Variants in OSBPL3 observed in about 807,000 individuals in gnomAD.
The protein encoded by OSBPL3 is oxysterol binding protein like 3.
In OSBPL3, 65 loss-of-function variants were observed where a neutral mutation model predicts 120.1. That is an observed-to-expected ratio of 0.54 (90% confidence interval 0.44 to 0.67). The LOEUF is 0.67. Among genes scored for constraint, OSBPL3 ranks in the 30% least tolerant of loss-of-function variants. OSBPL3 has a pLI of 0.00. For missense variants in OSBPL3, 1,004 were observed against 1,082.1 expected (o/e 0.93, Z 1.01); for synonymous variants, 416 against 402.6 (o/e 1.03, Z -0.40).
At position 24,830,718 on chromosome 7, in the gene OSBPL3, G is replaced by C. The variant is rs1468671605; in HGVS notation, c.1884+50C>G. 1.3e-6 allele frequency: 2 copies of C among 1,539,504 alleles called. No homozygotes were observed. Among genetic ancestry groups the C allele is most frequent in the Non-Finnish European group, 1.8e-6 (2 of 1,138,854 alleles). On this transcript the variant is annotated intron_variant, in intron 16 of 22. Transcript: ENST00000313367. The surrounding 1 kb of genome is among the most constrained non-coding windows in gnomAD (Gnocchi z 4.4). ...TAAATATTTCAGAAGCACATTTAAT[G>C]GGAGACATAAGCAACCCCTCCCAAC...
intron 1 of OSBPL3, among the ~76,000 whole-genome samples, chr7:24,979,589 C>A (rs1817995495): frequency 6.6e-6 from 1 of 152,220 alleles, no homozygotes; most frequent in Non-Finnish European, 1.5e-5. Flanking sequence ...CCTCCCGCAC[C>A]TGCGCCGCGG....
Position 24,820,784 on chromosome 7 carries a change from C to A in OSBPL3, c.1885-546G>T, listed in dbSNP as rs1795026977. On this transcript the variant is annotated intron_variant, in intron 16 of 22. Transcript: ENST00000313367. This position sits in a 1 kb window ranked among gnomAD's most constrained non-coding sequence, Gnocchi z 4.6. ...CAAATCACCTACAAGAAGACCAATGCAAGGTAATTTTTTTAAAAAAGAGTG... is the reference window on the plus strand; with the variant it reads ...CAAATCACCTACAAGAAGACCAATGAAAGGTAATTTTTTTAAAAAAGAGTG... 6.9e-6 allele frequency among the ~76,000 whole-genome samples: 1 copy of A among 145,540 alleles called. No homozygotes were observed. The highest frequency in any genetic ancestry group is 1.5e-5 in the Non-Finnish European group (1 of 66,986).
intron 14 of OSBPL3, among the ~76,000 whole-genome samples, chr7:24,837,814 A>T (rs918611825): frequency 6.6e-6 from 1 of 152,238 alleles, no homozygotes; most frequent in Non-Finnish European, 1.5e-5. Flanking sequence ...TGAGTGGCAG[A>T]GCTGGGGCTA....
chr7:24,951,302 A>G (rs1814403748), intron 1 of OSBPL3, among the ~76,000 whole-genome samples: 1 of 152,236 alleles, frequency 6.6e-6, no homozygotes, highest in African/African-American at 2.4e-5. Context: ...GCCTTTAAGT[A>G]AAAGCAACTC....
intron 1 of OSBPL3, among the ~76,000 whole-genome samples, chr7:24,945,802 CAAAG>C (rs955935344): frequency 2.0e-5 from 3 of 152,152 alleles, no homozygotes; most frequent in Non-Finnish European, 4.4e-5. Flanking sequence ...AGGCTCTGTT[CAAAG>C]AAAGAATACA....
At chr7:24,866,673 G>T (rs1424201906) in intron 5 of OSBPL3, among the ~76,000 whole-genome samples, 1 of 152,038 alleles carries the variant, frequency 6.6e-6, no homozygotes, top group Non-Finnish European at 1.5e-5. Flanking sequence ...GAAAAGAAAA[G>T]GAATGGAGAA....
At chr7:24,807,499 T>A (rs1045886958) in intron 20 of OSBPL3, among the ~76,000 whole-genome samples, 8 of 145,866 alleles carry the variant, frequency 5.5e-5, no homozygotes, top group African/African-American at 1.5e-4. Context: ...ATCTCAAAAA[T>A]AATAATAATA....
Position 24,979,958 on chromosome 7 carries a change from G to A in OSBPL3, c.-222C>T, listed in dbSNP as rs1818102194. 2 of 982,620 alleles carry A rather than the reference G, an allele frequency of 2.0e-6. No individual in the cohort carries two copies. Among genetic ancestry groups the A allele is most frequent in the South Asian group, 4.7e-5 (1 of 21,156 alleles). The allele number at this position is 982,620 out of a possible 1,614,324, so 60.9% of individuals were successfully genotyped here. A position where few individuals can be genotyped will look rare whatever the true frequency, so the allele number is the denominator to read the frequency against. On this transcript the variant is annotated 5_prime_UTR_variant, in exon 1 of 23. Coordinates refer to ENST00000313367, the MANE Select transcript of OSBPL3 (RefSeq NM_015550.4). ...CTCCGGGGTTAGCGCACAGAACCGG[G>A]AGAAGGCAACCCCGGCTTCTCCGGT...
intron 2 of OSBPL3, among the ~76,000 whole-genome samples, chr7:24,880,433 C>A (rs1164354131): frequency 2.0e-5 from 3 of 152,104 alleles, no homozygotes; most frequent in African/African-American, 4.8e-5. Flanking sequence ...ACTCTCTCCC[C>A]CAGCGGAACA....
In OSBPL3 at chr7:24,810,004, A is replaced by G. The variant is rs1793574554; in HGVS notation, c.2173-53T>C. ...GTCCTTTAGCATCAGCTTATTACAG[A>G]TATTAAGGAAAGAAAAAAGGAAAAG... On this transcript the variant is annotated intron_variant, in intron 19 of 22. Transcript: ENST00000313367. 29 of 1,590,170 alleles carry G rather than the reference A, an allele frequency of 1.8e-5. No individual in the cohort carries two copies. In the South Asian group the frequency reaches 3.1e-4, roughly 17 times the overall value.
rs1426977590 is a variant in OSBPL3, at chr7:24,870,755, C to CG, written c.357dup (p.Glu120ArgfsTer16). ...ACCTTCAGATGGTAGATGTGCTCCT[C>CG]GGTGTCAAGGTCTATGCATTTTGAT... On this transcript the variant is annotated frameshift_variant, in exon 5 of 23. Transcript: ENST00000313367. LOFTEE classifies it high-confidence loss of function. 2 of 1,609,322 alleles carry CG rather than the reference C, an allele frequency of 1.2e-6. No individual in the cohort carries two copies. Among genetic ancestry groups the CG allele is most frequent in the Non-Finnish European group, 1.7e-6 (2 of 1,175,588 alleles).
At chr7:24,954,315 C>T (rs1239892524) in intron 1 of OSBPL3, among the ~76,000 whole-genome samples, 1 of 152,054 alleles carries the variant, frequency 6.6e-6, no homozygotes, top group African/African-American at 2.4e-5. Context: ...AATCCTTTCT[C>T]CATAAGGATG....
chr7:24,911,071 G>A (rs529768625), intron 1 of OSBPL3, among the ~76,000 whole-genome samples: 1 of 152,218 alleles, frequency 6.6e-6, no homozygotes, highest in African/African-American at 2.4e-5. Flanking sequence ...ATCCAGAAAT[G>A]ACAGATTTAC....
Position 24,939,005 on chromosome 7 carries a change from A to G in OSBPL3, c.-150+40881T>C, listed in dbSNP as rs1027242532. On this transcript the variant is annotated intron_variant, in intron 1 of 22. Transcript: ENST00000313367. This position sits in a 1 kb window ranked among gnomAD's most constrained non-coding sequence, Gnocchi z 4.2. Reference sequence around the variant, plus strand: ...GTGCAAGGGGTAGGAATCAGTGTAGAAATAAAGATTAAAGAATTTTTAGCA... The same window carrying G: ...GTGCAAGGGGTAGGAATCAGTGTAGGAATAAAGATTAAAGAATTTTTAGCA... Among the ~76,000 whole-genome samples the G allele has an allele frequency of 6.6e-6, 1 of 152,222 alleles. No homozygotes were observed. The highest frequency in any genetic ancestry group is 1.5e-5 in the Non-Finnish European group (1 of 68,028).
chr7:24,929,578 C>T (rs1022392296), intron 1 of OSBPL3, among the ~76,000 whole-genome samples: 1 of 151,572 alleles, frequency 6.6e-6, no homozygotes, highest in Admixed American at 6.6e-5. Flanking sequence ...CTATTTCATG[C>T]TATAATTCTC....
chr7:24,800,361 C>G, intron 22 of OSBPL3, 82 bp from the exon 23 acceptor site: 1 of 761,700 alleles, frequency 1.3e-6, no homozygotes, highest in Non-Finnish European at 2.3e-6. Flanking sequence ...AACCTCCCTG[C>G]TTTCCCCATC....
chr7:24,854,652 G>A lies in OSBPL3; in HGVS notation c.1028-2018C>T, dbSNP rs1462053520. ...GCTCCTTGCTTTAAACAATTTAATT[G>A]AGCAAAATAATGGGCAGGACAACAG... On this transcript the variant is annotated intron_variant, in intron 10 of 22. Coordinates refer to ENST00000313367, the MANE Select transcript of OSBPL3 (RefSeq NM_015550.4). This position sits in a 1 kb window ranked among gnomAD's most constrained non-coding sequence, Gnocchi z 4.1. Among the ~76,000 whole-genome samples, 1 of 152,076 alleles carries A rather than the reference G, an allele frequency of 6.6e-6. No individual in the cohort carries two copies. The highest frequency in any genetic ancestry group is 1.5e-5 in the Non-Finnish European group (1 of 68,018).
rs554902241 is a variant in OSBPL3 at position 24,844,119 on chromosome 7, C to A, written c.1267-1706G>T. 1.3e-3 allele frequency among the ~76,000 whole-genome samples: 205 copies of A among 152,324 alleles called. 1 individual carries two copies. Among genetic ancestry groups the A allele is most frequent in the Middle Eastern group, 3.4e-3 (1 of 294 alleles). ...CTGTAAACTCACCAGCACTGCTGCA[C>A]CCCAAGTCTACAGCATGGTGCCTTA... On this transcript the variant is annotated intron_variant, in intron 12 of 22. Transcript: ENST00000313367.
In OSBPL3 at chr7:24,847,007, C is replaced by T. The variant is rs530996037; in HGVS notation, c.1266+2062G>A. Among the ~76,000 whole-genome samples the T allele has an allele frequency of 1.3e-4, 20 of 148,616 alleles. 1 individual carries two copies. The South Asian group carries it at 4.2e-3, about 31-fold the overall frequency. Reference sequence around the variant, plus strand: ...CCCGGGAGGCGGAGCTGGCAGTGAGCCGAAAAGGTGCCACTGCACTCCAGC... The same window carrying T: ...CCCGGGAGGCGGAGCTGGCAGTGAGTCGAAAAGGTGCCACTGCACTCCAGC... On this transcript the variant is annotated intron_variant, in intron 12 of 22. Transcript: ENST00000313367.
Sources: gnomAD v4.1 joint callset for allele counts (sites outside exome capture counted in the v4.1 genomes callset) on GRCh38, gnomAD v4.1.1 for gene constraint, Gnocchi (gnomAD v3.1) non-coding constraint, MANE v1.5 for transcripts, NCBI Gene and HGNC (gene_info 2026-07-23, HGNC 2026-07-21) for gene names.